The following ADCY8 variants were observed in gnomAD, a reference collection of about 807,000 sequenced individuals.
ADCY8 encodes the protein adenylate cyclase 8, also known as adenylate cyclase type 8.
ADCY8 carries 51 observed loss-of-function variants against 119.7 expected under a neutral mutation model. The observed-to-expected ratio is 0.43, with a 90% CI of 0.34 to 0.54. ADCY8 has a LOEUF of 0.54. Ranked by LOEUF, ADCY8 falls within the 20% of genes least tolerant of loss-of-function variation. The probability of loss-of-function intolerance (pLI) is 0.03; values close to 1 mark genes in which losing one functional copy is unlikely to be tolerated. For missense variants in ADCY8, 1,383 were observed against 1,598.8 expected (o/e 0.87, Z 2.30); for synonymous variants, 665 against 651.0 (o/e 1.02, Z -0.33).
rs186584381 is a variant in ADCY8 at position 130,925,974 on chromosome 8, G to T, written c.1481+11099C>A. On this transcript the variant is annotated intron_variant, in intron 5 of 17. Transcript: ENST00000286355. ...GGAGAGAGAGTTATCCCTCTCCACA[G>T]TCATCTTCCTGACATCCAGATCTGA... Among the ~76,000 whole-genome samples, 619 of 152,244 alleles carry T rather than the reference G, an allele frequency of 4.1e-3. 3 individuals are homozygous for T. Among genetic ancestry groups the T allele is most frequent in the Middle Eastern group, 0.01 (3 of 294 alleles).
chr8:130,799,122 G>GA lies in ADCY8; in HGVS notation c.3060+1303dup, dbSNP rs369617803. Among the ~76,000 whole-genome samples, 39 of 152,220 alleles carry GA rather than the reference G, an allele frequency of 2.6e-4. No homozygotes were observed. The East Asian group carries it at 3.1e-3, about 12-fold the overall frequency. On this transcript the variant is annotated intron_variant, in intron 15 of 17. Transcript: ENST00000286355. ...GCAAATAGTGGAATGGTGGTTTTCA[G>GA]AACCTGGGGGGTGGGGTGGGAAGAG... is the stretch of plus-strand genomic sequence containing the variant.
At chr8:130,963,621 G>C (rs1161545340) in intron 2 of ADCY8, among the ~76,000 whole-genome samples, 1 of 152,148 alleles carries the variant, frequency 6.6e-6, no homozygotes, top group African/African-American at 2.4e-5. Context: ...GACAGGAGAG[G>C]GGGAGAGATG....
chr8:131,000,809 G>GAGCCTGGTA, intron 1 of ADCY8, among the ~76,000 whole-genome samples: 1 of 151,922 alleles, frequency 6.6e-6, no homozygotes. Context: ...ATCAGTTCTT[G>GAGCCTGGTA]AGCCTGGTAA....
chr8:130,825,622 A>T (rs918249210), intron 12 of ADCY8, among the ~76,000 whole-genome samples: 6 of 152,214 alleles, frequency 3.9e-5, no homozygotes, highest in African/African-American at 1.4e-4. Context: ...GGCCTAGAGA[A>T]GATCAGTTCT....
intron 1 of ADCY8, among the ~76,000 whole-genome samples, chr8:131,026,522 G>C (rs1823829727): frequency 6.6e-6 from 1 of 152,132 alleles, no homozygotes. Flanking sequence ...AAGAGAAGGT[G>C]GGGTCTGTGC....
intron 9 of ADCY8, among the ~76,000 whole-genome samples, chr8:130,867,404 G>A (rs1397143308): frequency 1.3e-5 from 2 of 152,138 alleles, no homozygotes; most frequent in Admixed American, 1.3e-4. Flanking sequence ...GATTCCAGAA[G>A]TTTTTGTACG....
At position 131,040,039 on chromosome 8, in the gene ADCY8, G is replaced by T; in HGVS notation, c.295C>A (p.Arg99=). Residue 99 remains arginine, a synonymous_variant, in exon 1 of 18, where the codon CGA becomes AGA. Coordinates refer to ENST00000286355, the MANE Select transcript of ADCY8 (RefSeq NM_001115.3). Reference sequence around the variant, plus strand: ...TTGGTGCCGCAGGTGCTGTGCGCTCGCTCTCCCGGGCCCAGCGAGTAGAGG... The same window carrying T: ...TTGGTGCCGCAGGTGCTGTGCGCTCTCTCTCCCGGGCCCAGCGAGTAGAGG... ...LPLYSLGPGE[R]AHSTCGTKVF... The T allele has an allele frequency of 6.5e-7, 1 of 1,548,136 alleles. No individual in the cohort carries two copies. Among genetic ancestry groups the T allele is most frequent in the Non-Finnish European group, 8.7e-7 (1 of 1,151,170 alleles).
At chr8:130,818,937 G>A (rs889413498) in intron 13 of ADCY8, among the ~76,000 whole-genome samples, 9 of 152,184 alleles carry the variant, frequency 5.9e-5, no homozygotes, top group Non-Finnish European at 1.3e-4. Flanking sequence ...AGGACCAGAT[G>A]GCTAACAATA....
At chr8:130,810,487 T>C (rs1218524868) in intron 14 of ADCY8, among the ~76,000 whole-genome samples, 1 of 152,124 alleles carries the variant, frequency 6.6e-6, no homozygotes, top group Non-Finnish European at 1.5e-5. Flanking sequence ...CCCTTGTGGC[T>C]TTGCATAAAG....
At chr8:131,003,345 A>G (rs1197428747) in intron 1 of ADCY8, among the ~76,000 whole-genome samples, 11 of 152,202 alleles carry the variant, frequency 7.2e-5, no homozygotes, top group Non-Finnish European at 1.5e-5. Flanking sequence ...AAAAATGATG[A>G]AGGAATTTTT....
In ADCY8 at chr8:130,942,551, A is replaced by G. The variant is rs539588632; in HGVS notation, c.1353+800T>C. Among the ~76,000 whole-genome samples, 6 of 152,334 alleles carry G rather than the reference A, an allele frequency of 3.9e-5. No individual in the cohort carries two copies. The East Asian group carries it at 1.2e-3, about 29-fold the overall frequency. On this transcript the variant is annotated intron_variant, in intron 4 of 17. Transcript: ENST00000286355. ...AGTAGGTGCTTAAATGCAAGTATTA[A>G]TGTATTTCCCATAGAGTGAGGCAGC...
At chr8:130,942,116 G>C (rs146157170) in intron 4 of ADCY8, among the ~76,000 whole-genome samples, 3,765 of 152,046 alleles carry the variant, frequency 0.025, 73 homozygotes, top group South Asian at 0.065. Flanking sequence ...TCTGTTTTCT[G>C]CCTCTGTAAT....
At chr8:130,956,098 T>G (rs1319524403) in intron 2 of ADCY8, among the ~76,000 whole-genome samples, 1 of 152,184 alleles carries the variant, frequency 6.6e-6, no homozygotes, top group African/African-American at 2.4e-5. Context: ...TGAGCTGTGT[T>G]TGTGCCACGG....
chr8:130,852,105 G>C (rs72712477), intron 9 of ADCY8, among the ~76,000 whole-genome samples: 5,050 of 152,284 alleles, frequency 0.033, 116 homozygotes, highest in South Asian at 0.082. Flanking sequence ...ATAAGCAGGA[G>C]AGCAGGAGTG....
chr8:130,890,660 T>G (rs1033474796), intron 7 of ADCY8, among the ~76,000 whole-genome samples: 18 of 152,146 alleles, frequency 1.2e-4, no homozygotes, highest in African/African-American at 1.7e-4. Flanking sequence ...TTCAGACTTT[T>G]GGGATCCAGA....
intron 1 of ADCY8, among the ~76,000 whole-genome samples, chr8:131,036,805 A>G (rs1209407703): frequency 6.6e-6 from 1 of 152,186 alleles, no homozygotes; most frequent in African/African-American, 2.4e-5. Context: ...AATGAATAGC[A>G]TATTTGGAGC....
chr8:130,943,535 T>C, intron 3 of ADCY8, 73 bp from the exon 4 acceptor site: 1 of 870,276 alleles, frequency 1.1e-6, no homozygotes, highest in Admixed American at 2.0e-5. Context: ...GGGATACACA[T>C]CAACACCATC....
At chr8:130,893,866 TTATG>T (rs1394997668) in intron 7 of ADCY8, among the ~76,000 whole-genome samples, 8 of 147,554 alleles carry the variant, frequency 5.4e-5, no homozygotes, top group South Asian at 2.1e-4. Flanking sequence ...GTGTGCATGT[TTATG>T]TGTGTGTTTG....
chr8:130,904,902 T>C (rs532802959), intron 6 of ADCY8, among the ~76,000 whole-genome samples: 30 of 152,306 alleles, frequency 2.0e-4, no homozygotes, highest in African/African-American at 6.7e-4. Flanking sequence ...TATTGCGTTA[T>C]AGTGTGGTCT....
Sources: gnomAD v4.1 joint callset for allele counts (sites outside exome capture counted in the v4.1 genomes callset) on GRCh38, gnomAD v4.1.1 for gene constraint, MANE v1.5 for transcripts, NCBI Gene and HGNC (gene_info 2026-07-23, HGNC 2026-07-21) for gene names.